The following LCOR variants were observed in gnomAD, a reference collection of about 807,000 sequenced individuals.
LCOR encodes the protein ligand dependent nuclear receptor corepressor.
A neutral mutation model predicts 64.4 loss-of-function variants in LCOR; 14 were observed. The ratio of observed to expected loss-of-function variants is 0.22; its 90% CI spans 0.14 to 0.34. The LOEUF (loss-of-function observed/expected upper bound fraction) is 0.34. LCOR is among the 10% of genes least tolerant of loss of function. The pLI is 1.00. For missense variants in LCOR, 1,686 were observed against 1,765.3 expected (o/e 0.96, Z 0.80); for synonymous variants, 643 against 642.5 (o/e 1.00, Z -0.01).
chr10:96,905,945 T>A (rs1357949254), intron 2 of LCOR, among the ~76,000 whole-genome samples: 1 of 152,016 alleles, frequency 6.6e-6, no homozygotes, highest in Non-Finnish European at 1.5e-5. Context: ...CATTACCATC[T>A]TCTTCTTCTT....
chr10:96,913,193 G>A (rs541647149), intron 4 of LCOR, among the ~76,000 whole-genome samples: 6 of 152,092 alleles, frequency 3.9e-5, no homozygotes, highest in East Asian at 1.9e-4. Context: ...TCAAGGTGTC[G>A]GTACTAGGTG....
chr10:96,944,196 A>C lies in LCOR; in HGVS notation c.-100A>C. On this transcript the variant is annotated 5_prime_UTR_variant, in exon 5 of 8. Coordinates refer to ENST00000421806, the MANE Select transcript of LCOR (RefSeq NM_001346516.2). ...AACAAGAGCAAGCAAAAATCATTCG[A>C]TTCGAGAGACAAGCAGAAGAATTCC... 4.1e-6 allele frequency: 4 copies of C among 985,706 alleles called. No individual in the cohort carries two copies. The highest frequency in any genetic ancestry group is 4.8e-6 in the Non-Finnish European group (4 of 829,894). 61.1% of individuals were successfully genotyped at this position (985,706 alleles called of 1,614,324 possible).
rs985594675 is a variant in LCOR, at chr10:96,958,752, C to T, written c.332+6556C>T. ...ATTTCCTCCAAAGGTCTCTCTCTTT[C>T]TCTCTCTTTTTTTGAGTGTAGATTA... On this transcript the variant is annotated intron_variant, in intron 7 of 7. Coordinates refer to ENST00000421806, the MANE Select transcript of LCOR (RefSeq NM_001346516.2). The T allele has an allele frequency of 2.5e-5, 7 of 279,620 alleles. No homozygotes were observed. In the Admixed American group the frequency reaches 3.3e-4, roughly 13 times the overall value. 17.3% of individuals were successfully genotyped at this position (279,620 alleles called of 1,614,324 possible).
chr10:96,920,115 C>A (rs908943982), intron 4 of LCOR, among the ~76,000 whole-genome samples: 6 of 151,638 alleles, frequency 4.0e-5, no homozygotes, highest in Non-Finnish European at 7.4e-5. Flanking sequence ...ACCAGCAAGG[C>A]TAAAGGGTTC....
At chr10:96,867,955 G>C (rs1268646900) in intron 2 of LCOR, among the ~76,000 whole-genome samples, 1 of 151,936 alleles carries the variant, frequency 6.6e-6, no homozygotes, top group Non-Finnish European at 1.5e-5. Flanking sequence ...CATGATCTTG[G>C]CTCACTGCAA....
At position 96,848,370 on chromosome 10, in the gene LCOR, A is replaced by G. The variant is rs1845667422; in HGVS notation, c.-330+14891A>G. ...AAAATAACCACACTTTAAAAACCGGATGCTGGGCTGGGCATGGTGGCTCAC... is the reference window on the plus strand; with the variant it reads ...AAAATAACCACACTTTAAAAACCGGGTGCTGGGCTGGGCATGGTGGCTCAC... On this transcript the variant is annotated intron_variant, in intron 2 of 7. Coordinates refer to ENST00000421806, the MANE Select transcript of LCOR (RefSeq NM_001346516.2). 2.0e-5 allele frequency among the ~76,000 whole-genome samples: 3 copies of G among 152,084 alleles called. No individual in the cohort carries two copies. In the South Asian group the frequency reaches 6.2e-4, roughly 31 times the overall value.
intron 2 of LCOR, among the ~76,000 whole-genome samples, chr10:96,856,599 G>T (rs1350674158): frequency 6.6e-6 from 1 of 151,968 alleles, no homozygotes; most frequent in African/African-American, 2.4e-5. Context: ...GGTGTGATCA[G>T]TGAGTAGCTG....
chr10:96,904,171 ACT>A (rs1379300458), intron 2 of LCOR, among the ~76,000 whole-genome samples: 3 of 152,060 alleles, frequency 2.0e-5, no homozygotes, highest in African/African-American at 7.2e-5. Context: ...CAGATGATAG[ACT>A]CTCAGTTAGT....
intron 7 of LCOR, chr10:96,956,633 C>T (rs1847788301): frequency 1.0e-6 from 1 of 985,698 alleles, no homozygotes; most frequent in Non-Finnish European, 1.2e-6. Flanking sequence ...CAGTTAATTA[C>T]TTTGAACACT....
At chr10:96,865,030 G>T (rs187847856) in intron 2 of LCOR, among the ~76,000 whole-genome samples, 47 of 152,290 alleles carry the variant, frequency 3.1e-4, no homozygotes, top group African/African-American at 1.1e-3. Context: ...TAATTTGAGA[G>T]ACGAGAGATT....
chr10:96,860,086 C>CT (rs1283424676), intron 2 of LCOR, among the ~76,000 whole-genome samples: 25 of 152,216 alleles, frequency 1.6e-4, no homozygotes, highest in Admixed American at 7.9e-4. Context: ...ATGCTGTTAT[C>CT]TAACAGAAAT....
chr10:96,929,693 C>CCTAT (rs1847224903), intron 4 of LCOR, among the ~76,000 whole-genome samples: 1 of 152,172 alleles, frequency 6.6e-6, no homozygotes. Flanking sequence ...ACATTAGAGA[C>CCTAT]CTATGTTTTG....
At chr10:96,911,059 C>T (rs899422141) in intron 4 of LCOR, among the ~76,000 whole-genome samples, 1 of 149,844 alleles carries the variant, frequency 6.7e-6, no homozygotes, top group Non-Finnish European at 1.5e-5. Flanking sequence ...ATGTTCTGAG[C>T]ATCTACTATG....
intron 4 of LCOR, among the ~76,000 whole-genome samples, chr10:96,917,101 T>A (rs1846965175): frequency 6.6e-6 from 1 of 152,212 alleles, no homozygotes; most frequent in African/African-American, 2.4e-5. Flanking sequence ...AGTAAGAGAT[T>A]CCATGAAATA....
chr10:96,867,970 C>T (rs555784067), intron 2 of LCOR, among the ~76,000 whole-genome samples: 11 of 152,138 alleles, frequency 7.2e-5, no homozygotes, highest in East Asian at 5.8e-4. Flanking sequence ...CTGCAACCTC[C>T]GCCTCCCGGG....
At chr10:96,927,569 T>C (rs1847190899) in intron 4 of LCOR, among the ~76,000 whole-genome samples, 1 of 152,164 alleles carries the variant, frequency 6.6e-6, no homozygotes, top group Non-Finnish European at 1.5e-5. Flanking sequence ...AAATCTCATG[T>C]TTTCTTCTAA....
intron 2 of LCOR, among the ~76,000 whole-genome samples, chr10:96,902,431 A>G (rs1846655973): frequency 1.3e-5 from 2 of 152,216 alleles, no homozygotes. Context: ...AATGAAAGGA[A>G]TCACCAGGGA....
Position 96,841,362 on chromosome 10 carries a change from C to CTTT in LCOR, c.-330+7899_-330+7901dup, listed in dbSNP as rs199853768. ...TTTAATACTTTCTAGAAAACTTACA[C>CTTT]TTTTTTTTTTTTTTTTTTGAGACAG... On this transcript the variant is annotated intron_variant, in intron 2 of 7. Coordinates refer to ENST00000421806, the MANE Select transcript of LCOR (RefSeq NM_001346516.2). Among the ~76,000 whole-genome samples the CTTT allele has an allele frequency of 1.2e-3, 158 of 134,798 alleles. 2 individuals are homozygous for CTTT. Among genetic ancestry groups the CTTT allele is most frequent in the African/African-American group, 3.9e-3 (136 of 35,216 alleles). The allele number at this position is 134,798 out of a possible 152,430, so 88.4% of individuals were successfully genotyped here. A position where few individuals can be genotyped will look rare whatever the true frequency, so the allele number is the denominator to read the frequency against.
At chr10:96,870,003 C>T (rs893220064) in intron 2 of LCOR, among the ~76,000 whole-genome samples, 1 of 152,182 alleles carries the variant, frequency 6.6e-6, no homozygotes, top group African/African-American at 2.4e-5. Flanking sequence ...TAGGCAGGGT[C>T]TGACTTCAGA....
Sources: gnomAD v4.1 joint callset for allele counts (sites outside exome capture counted in the v4.1 genomes callset) on GRCh38, gnomAD v4.1.1 for gene constraint, MANE v1.5 for transcripts, NCBI Gene and HGNC (gene_info 2026-07-23, HGNC 2026-07-21) for gene names.